The following ZFP3 variants were observed in gnomAD, a reference collection of about 807,000 sequenced individuals.
The protein encoded by ZFP3 is zinc finger protein 3 homolog.
ZFP3 carries 18 observed loss-of-function variants against 36.7 expected under a neutral mutation model. The ratio of observed to expected loss-of-function variants is 0.49; its 90% CI spans 0.34 to 0.73. The LOEUF (loss-of-function observed/expected upper bound fraction) is 0.73, where lower values mean the gene tolerates loss of function less well. Among genes scored for constraint, ZFP3 ranks in the 30% least tolerant of loss-of-function variants. ZFP3 has a pLI of 0.01. For synonymous variants in ZFP3, 218 were observed against 199.0 expected (o/e 1.10, Z -0.81); for missense variants, 495 against 599.0 (o/e 0.83, Z 1.81).
rs751596064 is a variant in ZFP3 at position 5,091,895 on chromosome 17, A to G, written c.391A>G (p.Thr131Ala). The G allele has an allele frequency of 3.1e-6, 5 of 1,614,238 alleles. No individual in the cohort carries two copies. The highest frequency in any genetic ancestry group is 4.2e-6 in the Non-Finnish European group (5 of 1,180,038). Residue 131 changes from threonine (T) to alanine (A), a missense_variant, in exon 2 of 2, where the codon ACA becomes GCA. By Grantham distance (58) the Thr-to-Ala change is moderately conservative. This residue lies in a region of ZFP3 where 229 missense variants were observed against 233.8 expected (regional missense o/e 0.98). Coordinates refer to ENST00000318833, the MANE Select transcript of ZFP3 (RefSeq NM_153018.3). ...NFLEILESNKTQRSSVGEKPH... is the reference protein window; with the variant it reads ...NFLEILESNKAQRSSVGEKPH... ...CCTAGAGATTTTAGAATCTAACAAA[A>G]CACAGAGAAGTTCTGTGGGAGAAAA...
chr17:5,087,467 T>C (rs1285389851), intron 1 of ZFP3, among the ~76,000 whole-genome samples: 1 of 152,192 alleles, frequency 6.6e-6, no homozygotes, highest in Non-Finnish European at 1.5e-5. Context: ...TACCATTCTT[T>C]ATCTTCTTGG....
In ZFP3 at chr17:5,094,367, CG is replaced by C. The variant is rs1353038678; in HGVS notation, c.*1355del. ...ATGCCCGGCCTTGAAATTCTTTCTTCGCTATGTCTGCATGTTTTTTGTGTTC... is the reference window on the plus strand; with the variant it reads ...ATGCCCGGCCTTGAAATTCTTTCTTCCTATGTCTGCATGTTTTTTGTGTTC... On this transcript the variant is annotated 3_prime_UTR_variant, in exon 2 of 2. Coordinates refer to ENST00000318833, the MANE Select transcript of ZFP3 (RefSeq NM_153018.3). The C allele has an allele frequency of 6.0e-6, 1 of 167,084 alleles. No homozygotes were observed. The highest frequency in any genetic ancestry group is 1.5e-5 in the Non-Finnish European group (1 of 68,126). The allele number at this position is 167,084 out of a possible 1,614,324, so 10.4% of individuals were successfully genotyped here.
intron 1 of ZFP3, among the ~76,000 whole-genome samples, chr17:5,085,374 G>T (rs975675935): frequency 2.9e-5 from 4 of 139,208 alleles, no homozygotes; most frequent in East Asian, 4.2e-4. Flanking sequence ...TTTGAGTTTT[G>T]TTTTTTTTTT....
rs147499064 is a variant in ZFP3 at position 5,085,327 on chromosome 17, A to G, written c.-8-6170A>G. ...CTCTCAAAGTGCTGGGATTACAGGC[A>G]TGAGCCACCGTGCCTGGCCAGGGGA... is the stretch of plus-strand genomic sequence containing the variant. On this transcript the variant is annotated intron_variant, in intron 1 of 1. Transcript: ENST00000318833. Among the ~76,000 whole-genome samples, 7 of 151,468 alleles carry G rather than the reference A, an allele frequency of 4.6e-5. No homozygotes were observed. The East Asian group carries it at 1.4e-3, about 29-fold the overall frequency.
rs929836170 is a variant in ZFP3 at position 5,088,481 on chromosome 17, T to C, written c.-8-3016T>C. ...ATGTGCAGGCCTACTGCTTTCTTTT[T>C]TTTTTTTTTTTTTTAGTAGAGATGG... On this transcript the variant is annotated intron_variant, in intron 1 of 1. Transcript: ENST00000318833. Among the ~76,000 whole-genome samples, 190 of 151,328 alleles carry C rather than the reference T, an allele frequency of 1.3e-3. 3 individuals are homozygous for C. The highest frequency in any genetic ancestry group is 6.6e-4 in the Admixed American group (10 of 15,216).
chr17:5,091,255 G>T (rs1050802639), intron 1 of ZFP3, among the ~76,000 whole-genome samples: 1 of 151,764 alleles, frequency 6.6e-6, no homozygotes, highest in East Asian at 1.9e-4. Context: ...TTTCTGTTTT[G>T]TTTTTTTGTT....
chr17:5,082,971 T>G (rs2072101973), intron 1 of ZFP3, among the ~76,000 whole-genome samples: 4 of 152,206 alleles, frequency 2.6e-5, no homozygotes, highest in Non-Finnish European at 4.4e-5. Flanking sequence ...TGCAGGTTGA[T>G]GCAGTTTGGG....
chr17:5,085,822 A>G (rs1046208282), intron 1 of ZFP3, among the ~76,000 whole-genome samples: 3 of 152,246 alleles, frequency 2.0e-5, no homozygotes, highest in Non-Finnish European at 4.4e-5. Context: ...AAAGAACTAG[A>G]TGATGGAAAA....
At position 5,081,471 on chromosome 17, in the gene ZFP3, A is replaced by G. The variant is rs1341320750; in HGVS notation, c.-9+2896A>G. ...CACATAGATTGTTGAATGGAAATCAACTTCTAGATCCTTGACTTTATTTTG... is the reference window on the plus strand; with the variant it reads ...CACATAGATTGTTGAATGGAAATCAGCTTCTAGATCCTTGACTTTATTTTG... On this transcript the variant is annotated intron_variant, in intron 1 of 1. Transcript: ENST00000318833. Among the ~76,000 whole-genome samples the G allele has an allele frequency of 6.6e-5, 10 of 152,248 alleles. No homozygotes were observed. In the East Asian group the frequency reaches 1.9e-3, roughly 29 times the overall value.
rs1388618591 is a variant in ZFP3, at chr17:5,095,500, CTT to C, written c.*2488_*2489del. 1.2e-5 allele frequency: 2 copies of C among 167,022 alleles called. No individual in the cohort carries two copies. Among genetic ancestry groups the C allele is most frequent in the African/African-American group, 2.4e-5 (1 of 41,410 alleles). The allele number at this position is 167,022 out of a possible 1,614,324, so 10.3% of individuals were successfully genotyped here. On this transcript the variant is annotated 3_prime_UTR_variant, in exon 2 of 2. Transcript: ENST00000318833. ...GCATATTTTATTTCCACATTTACCTCTTGTCAGCCCTGACAGAGAATTTGGCA... is the reference window on the plus strand; with the variant it reads ...GCATATTTTATTTCCACATTTACCTCGTCAGCCCTGACAGAGAATTTGGCA...
At chr17:5,087,682 C>T (rs1025287530) in intron 1 of ZFP3, among the ~76,000 whole-genome samples, 1 of 152,142 alleles carries the variant, frequency 6.6e-6, no homozygotes, top group Non-Finnish European at 1.5e-5. Flanking sequence ...GTAGAGGTTA[C>T]TGGAACCCAG....
chr17:5,088,817 C>G (rs2072134880), intron 1 of ZFP3, among the ~76,000 whole-genome samples: 1 of 152,184 alleles, frequency 6.6e-6, no homozygotes, highest in African/African-American at 2.4e-5. Flanking sequence ...GCTAATCTGA[C>G]TAGGGACCAT....
intron 1 of ZFP3, among the ~76,000 whole-genome samples, chr17:5,079,310 A>G (rs1485720076): frequency 6.6e-6 from 1 of 151,866 alleles, no homozygotes; most frequent in Non-Finnish European, 1.5e-5. Context: ...TCACTTGAGC[A>G]CAGGAGTTCA....
intron 1 of ZFP3, among the ~76,000 whole-genome samples, chr17:5,085,036 G>A (rs1032527690): frequency 1.3e-5 from 2 of 152,100 alleles, no homozygotes; most frequent in African/African-American, 4.8e-5. Context: ...TTTAGTGGGG[G>A]AAGGCTTTCT....
chr17:5,092,834 A>G lies in ZFP3; in HGVS notation c.1330A>G (p.Ile444Val). 1.2e-6 allele frequency: 2 copies of G among 1,614,206 alleles called. No individual in the cohort carries two copies. Among genetic ancestry groups the G allele is most frequent in the Non-Finnish European group, 1.7e-6 (2 of 1,180,040 alleles). Reference protein sequence around the residue: ...SELLLHQKIHIGEKPYECSEC... With the variant: ...SELLLHQKIHVGEKPYECSEC... ...GCTGCTTCTCCACCAGAAAATTCAT[A>G]TTGGAGAGAAACCTTATGAATGTAG... Residue 444 changes from isoleucine (I) to valine (V), a missense_variant, in exon 2 of 2, where the codon ATT becomes GTT. Physicochemically the swap from Ile to Val is conservative, Grantham distance 29 (BLOSUM62 3). Transcript: ENST00000318833. This position sits in a 1 kb window ranked among gnomAD's most constrained non-coding sequence, Gnocchi z 5.0.
chr17:5,081,938 A>G (rs111261071), intron 1 of ZFP3, among the ~76,000 whole-genome samples: 9,655 of 139,760 alleles, frequency 0.069, 450 homozygotes, highest in Middle Eastern at 0.12. Context: ...CCGGCCAGGC[A>G]TGGTGGCTCA....
At chr17:5,088,378 C>A (rs1356309703) in intron 1 of ZFP3, among the ~76,000 whole-genome samples, 1 of 152,198 alleles carries the variant, frequency 6.6e-6, no homozygotes, top group Non-Finnish European at 1.5e-5. Context: ...CTCTTCCTCC[C>A]CACTGCTACT....
At chr17:5,090,760 T>C (rs955289530) in intron 1 of ZFP3, among the ~76,000 whole-genome samples, 5 of 152,016 alleles carry the variant, frequency 3.3e-5, no homozygotes, top group Non-Finnish European at 7.4e-5. Flanking sequence ...AACCTCCGCC[T>C]CCCTGGTTCA....
At position 5,094,526 on chromosome 17, in the gene ZFP3, G is replaced by A. The variant is rs1386196034; in HGVS notation, c.*1513G>A. 1.2e-5 allele frequency: 2 copies of A among 167,126 alleles called. No individual in the cohort carries two copies. The highest frequency in any genetic ancestry group is 4.8e-5 in the African/African-American group (2 of 41,462). 10.4% of individuals were successfully genotyped at this position (167,126 alleles called of 1,614,324 possible). On this transcript the variant is annotated 3_prime_UTR_variant, in exon 2 of 2. Transcript: ENST00000318833. ...GGGGCTGGTCTTAGCGCTAGACCTTGAACAAGGCACTTCACCTGCTGGTCT... is the reference window on the plus strand; with the variant it reads ...GGGGCTGGTCTTAGCGCTAGACCTTAAACAAGGCACTTCACCTGCTGGTCT...
Sources: gnomAD v4.1 joint callset for allele counts (sites outside exome capture counted in the v4.1 genomes callset) on GRCh38, gnomAD v4.1.1 for gene constraint, gnomAD v4.1.1 regional missense constraint, Gnocchi (gnomAD v3.1) non-coding constraint, MANE v1.5 for transcripts, NCBI Gene and HGNC (gene_info 2026-07-23, HGNC 2026-07-21) for gene names.